Variants in DCDC1 observed in about 807,000 individuals in gnomAD.
DCDC1 encodes the protein doublecortin domain-containing protein 1.
In DCDC1, 200 loss-of-function variants were observed where a neutral mutation model predicts 178.3. The ratio of observed to expected loss-of-function variants is 1.12; its 90% CI spans 1.00 to 1.26. The LOEUF is 1.26. DCDC1 is among the 50% of genes most tolerant of loss of function. The pLI is 0.00. For missense variants in DCDC1, 1,983 were observed against 1,749.2 expected (o/e 1.13, Z -2.38); for synonymous variants, 690 against 604.8 (o/e 1.14, Z -2.07).
intron 20 of DCDC1, among the ~76,000 whole-genome samples, chr11:30,995,442 T>C (rs1951209975): frequency 6.6e-6 from 1 of 152,134 alleles, no homozygotes; most frequent in East Asian, 1.9e-4. Context: ...CAAAAGCAAT[T>C]AGAATTGCCA....
At chr11:30,937,967 C>A in intron 21 of DCDC1, among the ~76,000 whole-genome samples, 1 of 152,220 alleles carries the variant, frequency 6.6e-6, no homozygotes, top group East Asian at 1.9e-4. Flanking sequence ...TCCTCCACAT[C>A]CCTTTGTCAC....
intron 20 of DCDC1, among the ~76,000 whole-genome samples, chr11:31,017,012 T>A (rs1952520878): frequency 6.6e-6 from 1 of 152,250 alleles, no homozygotes; most frequent in Admixed American, 6.5e-5. Context: ...CCAGTCATAA[T>A]TTTAAAAACT....
At chr11:31,299,306 A>T (rs572947163) in intron 6 of DCDC1, among the ~76,000 whole-genome samples, 1 of 152,330 alleles carries the variant, frequency 6.6e-6, no homozygotes, top group East Asian at 1.9e-4. Context: ...CATTTGAAGT[A>T]TGTCTTCAAT....
At chr11:30,954,098 C>A (rs1409520139) in intron 20 of DCDC1, among the ~76,000 whole-genome samples, 3 of 141,138 alleles carry the variant, frequency 2.1e-5, no homozygotes, top group Non-Finnish European at 4.5e-5. Flanking sequence ...TCACTGCAAA[C>A]TCCGCCTCCC....
intron 36 of DCDC1, among the ~76,000 whole-genome samples, chr11:30,881,841 T>G (rs1208450358): frequency 6.6e-6 from 1 of 152,190 alleles, no homozygotes; most frequent in Non-Finnish European, 1.5e-5. Context: ...TAAAGCTTCC[T>G]AGAGAGGCCT....
rs772143702 is a variant in DCDC1 at position 31,290,737 on chromosome 11, A to G, written c.870T>C (p.Thr290=). Residue 290 remains threonine, a synonymous_variant, in exon 7 of 39, where the codon ACT becomes ACC. Coordinates refer to ENST00000684477, the MANE Select transcript of DCDC1 (RefSeq NM_001387274.1). ...ACAGAATTCGGACTGAGGTCCTCTC[A>G]GTAAGTTTCTTCATTCTAATAGAAA... is the stretch of plus-strand genomic sequence containing the variant. The part of the protein sequence containing the change: ...PVLSIRMKKL[T]ERTSVRILFF... 6.2e-7 allele frequency: 1 copy of G among 1,613,512 alleles called. No homozygotes were observed. The highest frequency in any genetic ancestry group is 1.7e-5 in the Admixed American group (1 of 59,968).
chr11:31,000,699 T>A (rs893371331), intron 20 of DCDC1, among the ~76,000 whole-genome samples: 1 of 151,992 alleles, frequency 6.6e-6, no homozygotes, highest in South Asian at 2.1e-4. Flanking sequence ...CTGGGTAGCA[T>A]AATGCATTGT....
chr11:31,246,407 T>A (rs942321458), intron 8 of DCDC1, among the ~76,000 whole-genome samples: 16 of 151,900 alleles, frequency 1.1e-4, no homozygotes, highest in African/African-American at 3.4e-4. Context: ...TAACAAGATA[T>A]CATTTAGAAA....
intron 20 of DCDC1, among the ~76,000 whole-genome samples, chr11:30,955,848 A>G (rs149795747): frequency 3.9e-5 from 6 of 152,298 alleles, no homozygotes; most frequent in Admixed American, 1.3e-4. Flanking sequence ...AAAAATAAAT[A>G]AATAAACCAA....
intron 20 of DCDC1, among the ~76,000 whole-genome samples, chr11:30,957,706 T>TG (rs1211039746): frequency 2.6e-5 from 4 of 152,178 alleles, no homozygotes; most frequent in Non-Finnish European, 5.9e-5. Context: ...AACTAAGAAC[T>TG]GGGACATGCA....
At chr11:31,171,822 G>A (rs1967280295) in intron 9 of DCDC1, among the ~76,000 whole-genome samples, 1 of 152,156 alleles carries the variant, frequency 6.6e-6, no homozygotes, top group South Asian at 2.1e-4. Context: ...TTTAGGAAAA[G>A]TTTTCTTTCA....
intron 20 of DCDC1, among the ~76,000 whole-genome samples, chr11:31,004,368 A>T (rs1008626795): frequency 2.0e-5 from 3 of 152,032 alleles, no homozygotes; most frequent in Non-Finnish European, 4.4e-5. Context: ...TGTCCCTCAC[A>T]ATTCACTGGA....
chr11:31,070,366 C>T (rs886572313), intron 18 of DCDC1, among the ~76,000 whole-genome samples: 19 of 152,178 alleles, frequency 1.2e-4, no homozygotes, highest in Non-Finnish European at 2.2e-4. Context: ...TCACCCTAAA[C>T]GGACCTCTAA....
chr11:31,292,336 A>T (rs1206571136), intron 6 of DCDC1, among the ~76,000 whole-genome samples: 2 of 152,190 alleles, frequency 1.3e-5, no homozygotes, highest in African/African-American at 4.8e-5. Context: ...AGCACTATTT[A>T]CAATAGCCAA....
At chr11:31,254,608 AAAC>A (rs1565502523) in intron 8 of DCDC1, among the ~76,000 whole-genome samples, 2 of 152,268 alleles carry the variant, frequency 1.3e-5, no homozygotes, top group East Asian at 3.9e-4. Context: ...CAGTGGCATA[AAAC>A]AATAAGCATT....
intron 20 of DCDC1, among the ~76,000 whole-genome samples, chr11:30,978,298 A>G (rs1950207952): frequency 1.3e-5 from 2 of 152,182 alleles, no homozygotes; most frequent in Admixed American, 6.5e-5. Context: ...GTCTTAACCA[A>G]CAACTGATTA....
chr11:31,358,359 T>C (rs1423522678), intron 1 of DCDC1, among the ~76,000 whole-genome samples: 1 of 152,118 alleles, frequency 6.6e-6, no homozygotes, highest in African/African-American at 2.4e-5. Flanking sequence ...ATTTAATAAA[T>C]GGTGCTGGGA....
intron 9 of DCDC1, among the ~76,000 whole-genome samples, chr11:31,200,485 G>A (rs977482421): frequency 6.6e-6 from 1 of 152,050 alleles, no homozygotes; most frequent in African/African-American, 2.4e-5. Flanking sequence ...ATAAATTTTT[G>A]AGTAAGGAAA....
chr11:30,939,064 G>A (rs930289440), intron 21 of DCDC1, among the ~76,000 whole-genome samples: 1 of 152,100 alleles, frequency 6.6e-6, no homozygotes, highest in African/African-American at 2.4e-5. Context: ...TTTGTATCTA[G>A]GATACATCTC....
Sources: gnomAD v4.1 joint callset for allele counts (sites outside exome capture counted in the v4.1 genomes callset) on GRCh38, gnomAD v4.1.1 for gene constraint, MANE v1.5 for transcripts, NCBI Gene and HGNC (gene_info 2026-07-23, HGNC 2026-07-21) for gene names.